The following GLG1 variants were observed in gnomAD, a reference collection of about 807,000 sequenced individuals.
GLG1 encodes golgi glycoprotein 1.
GLG1 carries 38 observed loss-of-function variants against 160.5 expected under a neutral mutation model. The ratio of observed to expected loss-of-function variants is 0.24; its 90% CI spans 0.18 to 0.31. GLG1 has a LOEUF of 0.31. Among genes scored for constraint, GLG1 ranks in the 10% least tolerant of loss-of-function variants. The pLI is 1.00. For missense variants in GLG1, 1,373 were observed against 1,505.2 expected (o/e 0.91, Z 1.45); for synonymous variants, 644 against 543.4 (o/e 1.19, Z -2.57).
chr16:74,465,902 T>C, intron 18 of GLG1, 89 bp from the exon 19 acceptor site: 1 of 1,076,068 alleles, frequency 9.3e-7, no homozygotes, highest in Admixed American at 1.9e-5. Flanking sequence ...CCACTGTGCC[T>C]CCCATTTCTT....
intron 1 of GLG1, among the ~76,000 whole-genome samples, chr16:74,536,635 T>C (rs1333735857): frequency 1.3e-5 from 2 of 152,178 alleles, no homozygotes; most frequent in Non-Finnish European, 2.9e-5. Flanking sequence ...ACATGATCCC[T>C]TGGGGGTCAG....
At chr16:74,478,058 G>C (rs951742047) in intron 11 of GLG1, among the ~76,000 whole-genome samples, 8 of 151,914 alleles carry the variant, frequency 5.3e-5, no homozygotes, top group African/African-American at 1.9e-4. Flanking sequence ...TTAGCAATGC[G>C]ATTATACATA....
Position 74,459,843 on chromosome 16 carries a change from GAC to G in GLG1, c.3037-56_3037-55del, listed in dbSNP as rs760301958. ...ACCCCACTGAGCACAGAAATGAACT[GAC>G]AGTTTCTTCTTTTTTTTTTTTATTT... On this transcript the variant is annotated intron_variant, in intron 22 of 25. Transcript: ENST00000422840. 47 of 867,842 alleles carry G rather than the reference GAC, an allele frequency of 5.4e-5. 1 individual carries two copies. The highest frequency in any genetic ancestry group is 8.4e-5 in the Non-Finnish European group (46 of 544,568). The allele number at this position is 867,842 out of a possible 1,614,324, so 53.8% of individuals were successfully genotyped here.
intron 1 of GLG1, among the ~76,000 whole-genome samples, chr16:74,565,398 G>C (rs1272747883): frequency 1.3e-5 from 2 of 152,198 alleles, no homozygotes; most frequent in African/African-American, 4.8e-5. Context: ...TTAGCCTAAA[G>C]CTGCCTTCTT....
chr16:74,509,477 C>A (rs2016730441), intron 2 of GLG1, among the ~76,000 whole-genome samples: 7 of 151,894 alleles, frequency 4.6e-5, no homozygotes, highest in Admixed American at 4.6e-4. Context: ...ATCAACAGTG[C>A]TTTCATAGAT....
chr16:74,574,098 G>A (rs1183848314), intron 1 of GLG1, among the ~76,000 whole-genome samples: 2 of 152,156 alleles, frequency 1.3e-5, no homozygotes, highest in African/African-American at 4.8e-5. Context: ...TATTATCTCT[G>A]TAATACAAAG....
chr16:74,503,408 A>T, intron 4 of GLG1, 123 bp downstream of exon 4: 1 of 699,752 alleles, frequency 1.4e-6, no homozygotes, highest in Non-Finnish European at 2.5e-6. Context: ...CTGTCTGGAC[A>T]AGTTTCTTCA....
chr16:74,505,253 C>T (rs915928361), intron 3 of GLG1, among the ~76,000 whole-genome samples: 17 of 152,158 alleles, frequency 1.1e-4, no homozygotes, highest in Admixed American at 1.1e-3. Flanking sequence ...CAAATCCAGA[C>T]CACGTAAATA....
chr16:74,515,700 A>C (rs1371593433), intron 2 of GLG1, among the ~76,000 whole-genome samples: 1 of 151,750 alleles, frequency 6.6e-6, no homozygotes, highest in Non-Finnish European at 1.5e-5. Context: ...CTTAAAGTAT[A>C]ATTTTAAAAA....
rs188375617 is a variant in GLG1 at position 74,588,054 on chromosome 16, C to T, written c.438+18603G>A. Among the ~76,000 whole-genome samples the T allele has an allele frequency of 5.3e-5, 8 of 149,690 alleles. No individual in the cohort carries two copies. In the Admixed American group the frequency reaches 5.4e-4, roughly 10 times the overall value. On this transcript the variant is annotated intron_variant, in intron 1 of 25. Transcript: ENST00000422840. Reference sequence around the variant, plus strand: ...AAACATCAGTGAACCTGAAGATCAGCAATAGCAATTATCCAAAATGAAACA... The same window carrying T: ...AAACATCAGTGAACCTGAAGATCAGTAATAGCAATTATCCAAAATGAAACA...
chr16:74,523,637 T>C (rs976575167), intron 2 of GLG1, among the ~76,000 whole-genome samples: 2 of 152,104 alleles, frequency 1.3e-5, no homozygotes, highest in East Asian at 1.9e-4. Flanking sequence ...ATCTGTAGAG[T>C]GGTCTTACAC....
chr16:74,517,120 A>C (rs1462878428), intron 2 of GLG1, among the ~76,000 whole-genome samples: 1 of 152,216 alleles, frequency 6.6e-6, no homozygotes, highest in African/African-American at 2.4e-5. Flanking sequence ...ATTCTACCAG[A>C]GGTACAAAGA....
intron 2 of GLG1, among the ~76,000 whole-genome samples, chr16:74,527,560 T>C (rs973456176): frequency 6.6e-6 from 1 of 152,016 alleles, no homozygotes; most frequent in South Asian, 2.1e-4. Flanking sequence ...AAGTCAGTTA[T>C]CTTAAAGCAT....
intron 2 of GLG1, among the ~76,000 whole-genome samples, chr16:74,524,276 T>C (rs2017267103): frequency 6.6e-6 from 1 of 152,206 alleles, no homozygotes; most frequent in Non-Finnish European, 1.5e-5. Context: ...ACCTGTTTTC[T>C]TTTTTCTTGC....
chr16:74,558,956 T>G (rs1030148141), intron 1 of GLG1, among the ~76,000 whole-genome samples: 5 of 152,184 alleles, frequency 3.3e-5, no homozygotes, highest in African/African-American at 1.2e-4. Flanking sequence ...CACACAGACA[T>G]AGCTTACTGC....
intron 2 of GLG1, among the ~76,000 whole-genome samples, chr16:74,520,148 T>C (rs921888371): frequency 1.2e-4 from 19 of 152,224 alleles, no homozygotes; most frequent in Admixed American, 1.1e-3. Flanking sequence ...GAGACATTCA[T>C]CTTGCAGTCT....
At chr16:74,575,918 T>C (rs1349829398) in intron 1 of GLG1, among the ~76,000 whole-genome samples, 1 of 152,066 alleles carries the variant, frequency 6.6e-6, no homozygotes, top group Non-Finnish European at 1.5e-5. Flanking sequence ...AATTCCAAAC[T>C]AGCCAGGCGC....
rs542576795 is a variant in GLG1, at chr16:74,447,570, G to A, written c.*5597C>T. The A allele has an allele frequency of 7.2e-5, 11 of 152,310 alleles. No individual in the cohort carries two copies. The East Asian group carries it at 1.7e-3, about 24-fold the overall frequency. 9.4% of individuals were successfully genotyped at this position (152,310 alleles called of 1,614,324 possible). A position where few individuals can be genotyped will look rare whatever the true frequency, so the allele number is the denominator to read the frequency against. ...ACATGTAAAAACAAGGGACCACCAC[G>A]ATTTTATACATAGAAAGGAAACCCA... is the stretch of plus-strand genomic sequence containing the variant. On this transcript the variant is annotated 3_prime_UTR_variant, in exon 26 of 26. Transcript: ENST00000422840.
At chr16:74,493,266 T>C in intron 6 of GLG1, 126 bp from the exon 7 acceptor site, 1 of 604,324 alleles carries the variant, frequency 1.7e-6, no homozygotes, top group South Asian at 2.4e-5. Flanking sequence ...TACCAACATA[T>C]CTATCTTTAA....
Sources: gnomAD v4.1 joint callset for allele counts (sites outside exome capture counted in the v4.1 genomes callset) on GRCh38, gnomAD v4.1.1 for gene constraint, MANE v1.5 for transcripts, NCBI Gene and HGNC (gene_info 2026-07-23, HGNC 2026-07-21) for gene names.